The following WASF3 variants were observed in gnomAD, a reference collection of about 807,000 sequenced individuals.
The protein encoded by WASF3 is WASP family member 3.
In WASF3, 11 loss-of-function variants were observed where a neutral mutation model predicts 46.6. The ratio of observed to expected loss-of-function variants is 0.24; its 90% CI spans 0.15 to 0.39. The LOEUF is 0.39. WASF3 is among the 10% of genes least tolerant of loss of function. The pLI is 1.00. For missense variants in WASF3, 576 were observed against 669.8 expected (o/e 0.86, Z 1.55); for synonymous variants, 242 against 259.7 (o/e 0.93, Z 0.65).
At chr13:26,561,471 G>A (rs1268654512) in intron 1 of WASF3, among the ~76,000 whole-genome samples, 2 of 152,104 alleles carry the variant, frequency 1.3e-5, no homozygotes, top group African/African-American at 2.4e-5. Flanking sequence ...GTCACACTTG[G>A]CTGGGTTAAG....
intron 1 of WASF3, among the ~76,000 whole-genome samples, chr13:26,601,126 T>G (rs1880630065): frequency 6.6e-6 from 1 of 152,220 alleles, no homozygotes; most frequent in Non-Finnish European, 1.5e-5. Flanking sequence ...GTATTAAGAT[T>G]TGAGGTCATT....
At chr13:26,666,469 G>C (rs1393395400) in intron 4 of WASF3, among the ~76,000 whole-genome samples, 1 of 152,178 alleles carries the variant, frequency 6.6e-6, no homozygotes, top group Non-Finnish European at 1.5e-5. Flanking sequence ...TTGACTGACA[G>C]GAAGTCTGTA....
chr13:26,642,887 T>G (rs1232803650), intron 3 of WASF3, among the ~76,000 whole-genome samples: 1 of 152,130 alleles, frequency 6.6e-6, no homozygotes, highest in African/African-American at 2.4e-5. Context: ...AGCCAAACAA[T>G]AGATTTGCTG....
At chr13:26,592,373 G>A (rs72658725) in intron 1 of WASF3, among the ~76,000 whole-genome samples, 1,685 of 152,160 alleles carry the variant, frequency 0.011, 41 homozygotes, top group African/African-American at 0.038. Context: ...CTCAGGCTGC[G>A]TAACAAAATA....
intron 3 of WASF3, among the ~76,000 whole-genome samples, chr13:26,657,073 T>TA (rs1404737319): frequency 2.6e-5 from 4 of 152,152 alleles, no homozygotes; most frequent in African/African-American, 9.7e-5. Context: ...AGGGTTGAAT[T>TA]ACGACCAGAA....
intron 2 of WASF3, among the ~76,000 whole-genome samples, chr13:26,637,217 C>G (rs1275416651): frequency 6.6e-6 from 1 of 152,172 alleles, no homozygotes; most frequent in African/African-American, 2.4e-5. Context: ...ACCTGCTGCC[C>G]TGTAGGGGAG....
In WASF3 at chr13:26,564,107, G is replaced by A. The variant is rs374309940; in HGVS notation, c.-109+6288G>A. Among the ~76,000 whole-genome samples the A allele has an allele frequency of 5.3e-5, 8 of 152,118 alleles. No individual in the cohort carries two copies. The East Asian group carries it at 1.3e-3, about 26-fold the overall frequency. ...TAAGTCAGCCCACACATGTTTGTAT[G>A]CCAACTATGTCTGAGGCACTGTTCT... On this transcript the variant is annotated intron_variant, in intron 1 of 9. Transcript: ENST00000335327.
intron 3 of WASF3, among the ~76,000 whole-genome samples, chr13:26,647,706 A>G (rs958953663): frequency 1.3e-5 from 2 of 151,926 alleles, no homozygotes; most frequent in Non-Finnish European, 1.5e-5. Flanking sequence ...CTCCTCCCCC[A>G]TAAAATTCTT....
chr13:26,647,387 G>A (rs141962743), intron 3 of WASF3, among the ~76,000 whole-genome samples: 82 of 152,070 alleles, frequency 5.4e-4, no homozygotes, highest in African/African-American at 1.9e-3. Context: ...TTCCAGCTAG[G>A]GAATTTTGAT....
chr13:26,622,302 C>T (rs1447521674), intron 2 of WASF3, among the ~76,000 whole-genome samples: 1 of 152,162 alleles, frequency 6.6e-6, no homozygotes, highest in Admixed American at 6.5e-5. Flanking sequence ...AAATCCACTA[C>T]AAAATCTATT....
chr13:26,617,773 T>A (rs1881178929), intron 2 of WASF3, among the ~76,000 whole-genome samples: 1 of 152,164 alleles, frequency 6.6e-6, no homozygotes, highest in Non-Finnish European at 1.5e-5. Flanking sequence ...TGAGTTGTAG[T>A]CCCCATAATC....
chr13:26,661,047 G>A (rs1342311283), intron 3 of WASF3, among the ~76,000 whole-genome samples: 1 of 152,196 alleles, frequency 6.6e-6, no homozygotes, highest in Non-Finnish European at 1.5e-5. Flanking sequence ...CGCTCACCCA[G>A]GGAGGGCATT....
upstream of WASF3, among the ~76,000 whole-genome samples, chr13:26,554,105 TTC>T (rs1206409397): frequency 8.2e-6 from 1 of 121,480 alleles, no homozygotes; most frequent in Admixed American, 8.8e-5. Flanking sequence ...CCTTCTTTCT[TTC>T]TTTCTTTCTT....
intron 1 of WASF3, among the ~76,000 whole-genome samples, chr13:26,595,510 G>C (rs566937176): frequency 1.3e-5 from 2 of 152,208 alleles, no homozygotes; most frequent in South Asian, 4.1e-4. Flanking sequence ...ACTGTTCACT[G>C]TATTTTAAAC....
At chr13:26,563,791 CT>C (rs1195780410) in intron 1 of WASF3, among the ~76,000 whole-genome samples, 326 of 143,298 alleles carry the variant, frequency 2.3e-3, no homozygotes, top group Admixed American at 2.5e-3. Context: ...GCTCTTCTGA[CT>C]TTTTTTTTTT....
chr13:26,578,899 A>G (rs1350463843), intron 1 of WASF3, among the ~76,000 whole-genome samples: 1 of 149,606 alleles, frequency 6.7e-6, no homozygotes, highest in Non-Finnish European at 1.5e-5. Context: ...TGCTTTTTCT[A>G]TTGAGATGAT....
intron 6 of WASF3, among the ~76,000 whole-genome samples, chr13:26,675,301 ATTCTT>A (rs1339813895): frequency 6.6e-6 from 1 of 151,964 alleles, no homozygotes; most frequent in African/African-American, 2.4e-5. Flanking sequence ...TACCATTTAC[ATTCTT>A]TTATTTCTTT....
At chr13:26,608,120 C>T (rs946863329) in intron 1 of WASF3, among the ~76,000 whole-genome samples, 6 of 137,474 alleles carry the variant, frequency 4.4e-5, no homozygotes, top group African/African-American at 1.6e-4. Flanking sequence ...TGGTCCAGAT[C>T]GTTGCCTGGG....
chr13:26,630,179 C>T (rs1881607303), intron 2 of WASF3, among the ~76,000 whole-genome samples: 1 of 152,028 alleles, frequency 6.6e-6, no homozygotes. Flanking sequence ...TGTTTTTATA[C>T]TTAAAGTTCT....
Sources: allele counts gnomAD v4.1 joint callset (sites outside exome capture counted in the v4.1 genomes callset), GRCh38; gene constraint gnomAD v4.1.1; transcripts MANE v1.5; gene names NCBI Gene and HGNC (gene_info 2026-07-23, HGNC 2026-07-21).